NEGR1: variants seen among roughly 807,000 people sequenced by gnomAD.
NEGR1 encodes neuronal growth regulator 1, also known as IgLON family member 4.
NEGR1 carries 10 observed loss-of-function variants against 40.9 expected under a neutral mutation model. The observed-to-expected ratio is 0.24, with a 90% confidence interval of 0.15 to 0.42. The LOEUF (loss-of-function observed/expected upper bound fraction) is 0.42. NEGR1 is among the 10% of genes least tolerant of loss of function. The pLI is 1.00. For synonymous variants in NEGR1, 185 were observed against 166.8 expected, an observed-to-expected ratio of 1.11 and a Z score of -0.84; for missense variants, 352 against 438.9, an observed-to-expected ratio of 0.80 and a Z score of 1.77.
At chr1:71,774,658 T>C (rs1656440287) in intron 3 of NEGR1, among the ~76,000 whole-genome samples, 2 of 149,494 alleles carry the variant, frequency 1.3e-5, no homozygotes, top group Admixed American at 6.8e-5. Context: ...GCAGTTTCAT[T>C]GCATCAGCCT....
At chr1:71,789,832 CCTT>C (rs1657046032) in intron 2 of NEGR1, among the ~76,000 whole-genome samples, 1 of 152,198 alleles carries the variant, frequency 6.6e-6, no homozygotes, top group South Asian at 2.1e-4. Flanking sequence ...CAAACCAACC[CCTT>C]CTTCTTTCTG....
chr1:71,466,793 T>C (rs1646748985), intron 6 of NEGR1, among the ~76,000 whole-genome samples: 1 of 152,080 alleles, frequency 6.6e-6, no homozygotes. Context: ...AGATGCAGCA[T>C]GGGTAGAAAC....
At chr1:72,000,027 G>A (rs1265359229) in intron 1 of NEGR1, among the ~76,000 whole-genome samples, 2 of 151,646 alleles carry the variant, frequency 1.3e-5, no homozygotes, top group Admixed American at 6.6e-5. Flanking sequence ...GCATTATGTT[G>A]TTCGGTTCCC....
chr1:71,797,964 G>A (rs1657401906), intron 2 of NEGR1: 2 of 151,768 alleles, frequency 1.3e-5, no homozygotes, highest in Non-Finnish European at 2.9e-5. Context: ...TATAAAATCT[G>A]TATGTTTTTG....
chr1:71,412,875 GA>G (rs1038997385), intron 6 of NEGR1, among the ~76,000 whole-genome samples: 11 of 151,676 alleles, frequency 7.3e-5, no homozygotes, highest in Admixed American at 2.0e-4. Context: ...CCATTTTATT[GA>G]AAAAAAAGAG....
chr1:72,279,517 A>G (rs1023058564), intron 1 of NEGR1, among the ~76,000 whole-genome samples: 2 of 152,174 alleles, frequency 1.3e-5, no homozygotes, highest in African/African-American at 4.8e-5. Context: ...ATGATATGTA[A>G]TTTGGTTAAG....
chr1:71,613,856 T>A (rs1650354145), intron 4 of NEGR1, among the ~76,000 whole-genome samples: 1 of 152,134 alleles, frequency 6.6e-6, no homozygotes, highest in Admixed American at 6.5e-5. Flanking sequence ...AAGTGTGCAC[T>A]ATGGATGTAT....
chr1:71,600,037 C>T (rs1211431820), intron 5 of NEGR1, among the ~76,000 whole-genome samples: 1 of 152,146 alleles, frequency 6.6e-6, no homozygotes, highest in Non-Finnish European at 1.5e-5. Context: ...TTCTCAGAAA[C>T]TATATTCACA....
chr1:72,257,965 AAGATG>A (rs1355831299), intron 1 of NEGR1, among the ~76,000 whole-genome samples: 3 of 152,214 alleles, frequency 2.0e-5, no homozygotes, highest in African/African-American at 4.8e-5. Context: ...TTTTATGGCA[AAGATG>A]AGATAAGAAG....
At chr1:72,251,984 G>T (rs1468136915) in intron 1 of NEGR1, among the ~76,000 whole-genome samples, 1 of 151,866 alleles carries the variant, frequency 6.6e-6, no homozygotes, top group Non-Finnish European at 1.5e-5. Context: ...ATAGCATCTT[G>T]GTTACAAGTA....
chr1:71,524,336 G>GTGTGTA (rs1647192160), intron 6 of NEGR1, among the ~76,000 whole-genome samples: 1 of 151,086 alleles, frequency 6.6e-6, no homozygotes, highest in South Asian at 2.1e-4. Flanking sequence ...GTGTGTGTGT[G>GTGTGTA]TGTGTGTGTG....
At chr1:72,114,229 C>T (rs1569987443) in intron 1 of NEGR1, among the ~76,000 whole-genome samples, 1 of 151,510 alleles carries the variant, frequency 6.6e-6, no homozygotes, top group East Asian at 1.9e-4. Context: ...TATTACCCTC[C>T]ATAATATGGT....
intron 2 of NEGR1, among the ~76,000 whole-genome samples, chr1:71,885,786 A>G (rs1318771180): frequency 1.3e-5 from 2 of 152,200 alleles, no homozygotes; most frequent in African/African-American, 4.8e-5. Flanking sequence ...TTGGTAAAGT[A>G]TTATAACTTT....
chr1:71,662,868 G>A (rs1361410785), intron 4 of NEGR1, among the ~76,000 whole-genome samples: 2 of 151,584 alleles, frequency 1.3e-5, no homozygotes, highest in African/African-American at 2.4e-5. Flanking sequence ...ATACAGAAAC[G>A]CCTAAAATAT....
chr1:72,190,364 T>G (rs1390931952), intron 1 of NEGR1, among the ~76,000 whole-genome samples: 1 of 151,662 alleles, frequency 6.6e-6, no homozygotes, highest in African/African-American at 2.4e-5. Flanking sequence ...CAGGTATTTG[T>G]GAGCATCTAG....
At chr1:71,908,508 C>T (rs953100415) in intron 2 of NEGR1, among the ~76,000 whole-genome samples, 2 of 152,110 alleles carry the variant, frequency 1.3e-5, no homozygotes, top group Non-Finnish European at 2.9e-5. Flanking sequence ...AGGATCTTAG[C>T]ACCAATCTAA....
At chr1:71,503,981 G>A (rs567365231) in intron 6 of NEGR1, among the ~76,000 whole-genome samples, 14 of 150,422 alleles carry the variant, frequency 9.3e-5, no homozygotes, top group Non-Finnish European at 1.8e-4. Context: ...GGATCTTGAG[G>A]AACTAATAAT....
At chr1:72,265,637 C>T (rs10218776) in intron 1 of NEGR1, among the ~76,000 whole-genome samples, 6,507 of 150,888 alleles carry the variant, frequency 0.043, 480 homozygotes, top group African/African-American at 0.15. Flanking sequence ...TAAAACCAAA[C>T]TAAGAATTAT....
intron 3 of NEGR1, among the ~76,000 whole-genome samples, chr1:71,716,262 G>A (rs758755015): frequency 6.6e-6 from 1 of 152,192 alleles, no homozygotes; most frequent in Non-Finnish European, 1.5e-5. Context: ...TCTCGCCCTT[G>A]CTACATGGAG....
Sources: gnomAD v4.1 joint callset for allele counts (sites outside exome capture counted in the v4.1 genomes callset) on GRCh38, gnomAD v4.1.1 for gene constraint, MANE v1.5 for transcripts, NCBI Gene and HGNC (gene_info 2026-07-23, HGNC 2026-07-21) for gene names.